Variants in TTBK2 observed in about 807,000 individuals in gnomAD.
TTBK2 encodes the protein tau tubulin kinase 2.
A neutral mutation model predicts 110.8 loss-of-function variants in TTBK2; 28 were observed. That is an observed-to-expected ratio of 0.25 (90% CI 0.19 to 0.35). The LOEUF (loss-of-function observed/expected upper bound fraction) is 0.35, where lower values mean the gene tolerates loss of function less well. Among genes scored for constraint, TTBK2 ranks in the 10% least tolerant of loss-of-function variants. The pLI is 1.00. For synonymous variants in TTBK2, 532 were observed against 527.3 expected (o/e 1.01, Z -0.12); for missense variants, 1,369 against 1,500.3 (o/e 0.91, Z 1.45).
intron 11 of TTBK2, among the ~76,000 whole-genome samples, chr15:42,779,743 G>A (rs1890099878): frequency 2.0e-5 from 3 of 152,134 alleles, no homozygotes; most frequent in Non-Finnish European, 2.9e-5. Context: ...ACTTTGTGAG[G>A]TCGAGGCAGG....
chr15:42,867,404 A>G (rs1047679198), intron 3 of TTBK2, among the ~76,000 whole-genome samples: 1 of 152,142 alleles, frequency 6.6e-6, no homozygotes, highest in Non-Finnish European at 1.5e-5. Flanking sequence ...TAGAAAATCA[A>G]TAGAGAAAAT....
intron 3 of TTBK2, among the ~76,000 whole-genome samples, chr15:42,866,001 C>T (rs931467165): frequency 2.0e-5 from 3 of 152,076 alleles, no homozygotes; most frequent in African/African-American, 7.2e-5. Flanking sequence ...ATGTTGTCTA[C>T]AACAAACTCA....
At chr15:42,765,032 C>A (rs1889291404) in intron 13 of TTBK2, among the ~76,000 whole-genome samples, 1 of 152,200 alleles carries the variant, frequency 6.6e-6, no homozygotes, top group Non-Finnish European at 1.5e-5. Context: ...AGACCTGCAG[C>A]TGAAGGATCT....
intron 7 of TTBK2, among the ~76,000 whole-genome samples, chr15:42,814,333 C>T (rs947934037): frequency 3.9e-5 from 6 of 152,184 alleles, no homozygotes; most frequent in African/African-American, 1.4e-4. Flanking sequence ...AATCCCAGCA[C>T]TTTCGGGGGC....
chr15:42,800,425 G>GT (rs1891135290), intron 9 of TTBK2: 1 of 299,416 alleles, frequency 3.3e-6, no homozygotes, highest in Non-Finnish European at 6.4e-6. Context: ...ATCAATAACT[G>GT]TATCATATTT....
intron 1 of TTBK2, among the ~76,000 whole-genome samples, chr15:42,891,265 C>G (rs928164994): frequency 6.7e-6 from 1 of 149,890 alleles, no homozygotes; most frequent in Non-Finnish European, 1.5e-5. Flanking sequence ...CAGCCTCAAA[C>G]TCCTGGGCTC....
intron 1 of TTBK2, among the ~76,000 whole-genome samples, chr15:42,912,243 C>G (rs921633648): frequency 6.6e-6 from 1 of 151,940 alleles, no homozygotes; most frequent in Non-Finnish European, 1.5e-5. Context: ...CTGAAGGCAC[C>G]CCTTCAGGAG....
chr15:42,798,218 A>G, intron 9 of TTBK2: 1 of 456,056 alleles, frequency 2.2e-6, no homozygotes, highest in Non-Finnish European at 4.4e-6. Context: ...GTCACTGGGG[A>G]ACAAAGCACT....
intron 9 of TTBK2, among the ~76,000 whole-genome samples, chr15:42,807,582 T>G (rs961779646): frequency 2.7e-5 from 3 of 113,150 alleles, no homozygotes; most frequent in African/African-American, 1.4e-4. Context: ...CTAATTTTTT[T>G]TGTTGTTTTT....
rs916538375 is a variant in TTBK2 at position 42,744,628 on chromosome 15, G to T, written c.*1167C>A. 6.6e-6 allele frequency: 1 copy of T among 152,046 alleles called. No homozygotes were observed. Among genetic ancestry groups the T allele is most frequent in the Admixed American group, 6.6e-5 (1 of 15,254 alleles). 9.4% of individuals were successfully genotyped at this position (152,046 alleles called of 1,614,324 possible). ...GATTGTATGAAAATCAGGCCAAGAA[G>T]CCCAAATGTTGAACTAAAACACAGG... On this transcript the variant is annotated 3_prime_UTR_variant, in exon 15 of 15. Coordinates refer to ENST00000267890, the MANE Select transcript of TTBK2 (RefSeq NM_173500.4).
chr15:42,896,403 A>G (rs1394217640), intron 1 of TTBK2, among the ~76,000 whole-genome samples: 1 of 152,186 alleles, frequency 6.6e-6, no homozygotes, highest in Non-Finnish European at 1.5e-5. Context: ...AAACAATTGT[A>G]TTTCCATATG....
chr15:42,809,530 G>C (rs1038063736), intron 9 of TTBK2, among the ~76,000 whole-genome samples: 2 of 152,168 alleles, frequency 1.3e-5, no homozygotes, highest in Non-Finnish European at 2.9e-5. Context: ...AGCTCCTCTT[G>C]AATCTAGTCT....
At chr15:42,913,447 G>C (rs1596054724) in intron 1 of TTBK2, among the ~76,000 whole-genome samples, 1 of 152,066 alleles carries the variant, frequency 6.6e-6, no homozygotes, top group Non-Finnish European at 1.5e-5. Context: ...AGACCATCCT[G>C]ATTAACACGG....
chr15:42,821,667 G>C (rs778760270), intron 6 of TTBK2, among the ~76,000 whole-genome samples: 1 of 149,946 alleles, frequency 6.7e-6, no homozygotes, highest in Admixed American at 6.7e-5. Flanking sequence ...GTGGTATCTT[G>C]CCAGGGTTTT....
intron 1 of TTBK2, among the ~76,000 whole-genome samples, chr15:42,887,002 G>A (rs1895271813): frequency 1.3e-5 from 2 of 152,150 alleles, no homozygotes; most frequent in Admixed American, 1.3e-4. Flanking sequence ...AGATGCTTTG[G>A]GTAACTCTTA....
intron 3 of TTBK2, among the ~76,000 whole-genome samples, chr15:42,851,284 T>C (rs1243878609): frequency 6.8e-6 from 1 of 147,938 alleles, no homozygotes; most frequent in Non-Finnish European, 1.5e-5. Context: ...AAACTGAAAA[T>C]AGTTCAGGAT....
At chr15:42,779,259 A>T (rs2140782650) in intron 11 of TTBK2, among the ~76,000 whole-genome samples, 1 of 152,250 alleles carries the variant, frequency 6.6e-6, no homozygotes, top group South Asian at 2.1e-4. Flanking sequence ...CACACAAAAA[A>T]TTAGCCAGGT....
chr15:42,782,582 C>A (rs945869489), intron 11 of TTBK2, among the ~76,000 whole-genome samples: 3 of 152,224 alleles, frequency 2.0e-5, no homozygotes, highest in Non-Finnish European at 4.4e-5. Context: ...AACTGCACAG[C>A]ACATAGCTTA....
intron 14 of TTBK2, among the ~76,000 whole-genome samples, chr15:42,746,633 A>T (rs538084633): frequency 1.3e-5 from 2 of 152,350 alleles, no homozygotes; most frequent in East Asian, 3.9e-4. Context: ...ATGTTAGCAC[A>T]TAAGACAGAG....
Sources: gnomAD v4.1 joint callset for allele counts (sites outside exome capture counted in the v4.1 genomes callset) on GRCh38, gnomAD v4.1.1 for gene constraint, MANE v1.5 for transcripts, NCBI Gene and HGNC (gene_info 2026-07-23, HGNC 2026-07-21) for gene names.